GLUD1: variants seen among roughly 807,000 people sequenced by gnomAD.
The protein encoded by GLUD1 is glutamate dehydrogenase 1, mitochondrial.
GLUD1 carries 22 observed loss-of-function variants against 56.0 expected under a neutral mutation model. That is an observed-to-expected ratio of 0.39 (90% CI 0.28 to 0.56). The LOEUF is 0.56. GLUD1 is among the 20% of genes least tolerant of loss of function. The probability of loss-of-function intolerance (pLI) is 0.58; values close to 1 mark genes in which losing one functional copy is unlikely to be tolerated. For synonymous variants in GLUD1, 223 were observed against 269.9 expected (o/e 0.83, Z 1.70); for missense variants, 451 against 732.0 (o/e 0.62, Z 4.43).
At chr10:87,079,994 G>T (rs1841169722) in intron 1 of GLUD1, among the ~76,000 whole-genome samples, 1 of 146,496 alleles carries the variant, frequency 6.8e-6, no homozygotes, top group African/African-American at 2.5e-5. Context: ...CCGAGCGGAA[G>T]CTGGACTGTA....
intron 8 of GLUD1, 64 bp from the exon 9 acceptor site, chr10:87,060,305 C>G (rs1482607624): frequency 1.9e-6 from 2 of 1,036,812 alleles, no homozygotes; most frequent in Non-Finnish European, 3.1e-6. Context: ...CCACTGAGGG[C>G]AAGAGATGTG....
Position 87,051,475 on chromosome 10 carries a change from T to C in GLUD1, c.*276A>G, listed in dbSNP as rs1845630750. 1 of 477,484 alleles carries C rather than the reference T, an allele frequency of 2.1e-6. No homozygotes were observed. Among genetic ancestry groups the C allele is most frequent in the Non-Finnish European group, 4.0e-6 (1 of 251,244 alleles). 29.6% of individuals were successfully genotyped at this position (477,484 alleles called of 1,614,324 possible). On this transcript the variant is annotated 3_prime_UTR_variant, in exon 13 of 13. Coordinates refer to ENST00000277865, the MANE Select transcript of GLUD1 (RefSeq NM_005271.5). ...GTTGGGAAAAGCCACAGAGCAAGGCTGCACAGCCAGATAAAGGAGGCTTTT... is the reference window on the plus strand; with the variant it reads ...GTTGGGAAAAGCCACAGAGCAAGGCCGCACAGCCAGATAAAGGAGGCTTTT...
intron 1 of GLUD1, among the ~76,000 whole-genome samples, chr10:87,080,587 G>A (rs1225361496): frequency 7.9e-5 from 12 of 151,178 alleles, no homozygotes; most frequent in Admixed American, 5.9e-4. Flanking sequence ...CCTTTGCCCC[G>A]CCGCCCCGTC....
intron 6 of GLUD1, 71 bp downstream of exon 6, chr10:87,062,585 T>C: frequency 8.9e-7 from 1 of 1,124,944 alleles, no homozygotes; most frequent in Non-Finnish European, 1.3e-6. Flanking sequence ...AAATTACAAT[T>C]CTAAAAACAT....
intron 5 of GLUD1, among the ~76,000 whole-genome samples, chr10:87,065,348 C>A (rs1046392502): frequency 3.3e-5 from 5 of 151,416 alleles, no homozygotes; most frequent in African/African-American, 1.2e-4. Flanking sequence ...CTCAGGTGAT[C>A]CACCTGCTTC....
At chr10:87,060,131 T>A (rs1432160768) in intron 9 of GLUD1, 30 bp downstream of exon 9, 2 of 1,317,460 alleles carry the variant, frequency 1.5e-6, no homozygotes, top group African/African-American at 2.9e-5. Context: ...TCTAAGTACA[T>A]ATAAAGCCTA....
intron 4 of GLUD1, among the ~76,000 whole-genome samples, chr10:87,073,689 G>A (rs1454648083): frequency 7.2e-6 from 1 of 138,822 alleles, no homozygotes; most frequent in East Asian, 2.1e-4. Context: ...CGTGATCTTG[G>A]CTCACTGGAA....
chr10:87,067,882 C>G (rs1006307547), intron 5 of GLUD1, 181 bp downstream of exon 5: 12 of 601,484 alleles, frequency 2.0e-5, no homozygotes, highest in Non-Finnish European at 3.0e-5. Context: ...ATAAGTAAAG[C>G]TCAATCTGTG....
chr10:87,052,419 C>T (rs112643586), intron 12 of GLUD1, among the ~76,000 whole-genome samples: 6,440 of 151,922 alleles, frequency 0.042, 313 homozygotes, highest in African/African-American at 0.11. Flanking sequence ...AGCCAGGAGG[C>T]GGTGGTTGCA....
intron 5 of GLUD1, among the ~76,000 whole-genome samples, chr10:87,064,857 C>A (rs544178419): frequency 3.8e-4 from 58 of 152,260 alleles, no homozygotes; most frequent in African/African-American, 1.4e-3. Context: ...TCAGGCCTGG[C>A]GCCAACTGCC....
chr10:87,074,609 A>C lies in GLUD1; in HGVS notation c.588T>G (p.Asn196Lys). 6.4e-7 allele frequency: 1 copy of C among 1,566,112 alleles called. No individual in the cohort carries two copies. ...ACCTCCTTGTGATCTTTTCCAATTCATTATCCTGTAAAATAAGAAAACAAA... is the reference window on the plus strand; with the variant it reads ...ACCTCCTTGTGATCTTTTCCAATTCCTTATCCTGTAAAATAAGAAAACAAA... ...VKINPKNYTD[N>K]ELEKITRRFT... Residue 196 changes from asparagine to lysine, a missense_variant, in exon 4 of 13, where the codon AAT (asparagine) becomes AAG (lysine). Physicochemically the swap from Asn to Lys is moderately conservative, Grantham distance 94 (BLOSUM62 0). Transcript: ENST00000277865.
chr10:87,081,944 T>TA (rs1841267068), intron 1 of GLUD1, among the ~76,000 whole-genome samples: 2 of 27,266 alleles, frequency 7.3e-5, no homozygotes, highest in African/African-American at 2.2e-4. Context: ...GAATGATCAA[T>TA]ACAAAAAAAA....
At chr10:87,080,086 C>A (rs979424640) in intron 1 of GLUD1, among the ~76,000 whole-genome samples, 2 of 151,816 alleles carry the variant, frequency 1.3e-5, no homozygotes, top group African/African-American at 2.4e-5. Context: ...TGCAGGCGCG[C>A]GCCGCCACGC....
chr10:87,053,978 T>C lies in GLUD1; in HGVS notation c.1495-574A>G, dbSNP rs1819209378. Among the ~76,000 whole-genome samples the C allele has an allele frequency of 2.0e-5, 3 of 152,064 alleles. No homozygotes were observed. In the South Asian group the frequency reaches 6.2e-4, roughly 32 times the overall value. The stretch of plus-strand genomic sequence containing the variant: ...CAGAGAAGATGGCCAAGGTTACAGA[T>C]AGCTATTTTCAGAGCTGGGATATGA... On this transcript the variant is annotated intron_variant, in intron 11 of 12. Transcript: ENST00000277865.
rs780418003 is a variant in GLUD1 at position 87,093,281 on chromosome 10, C to T, written c.445+1044G>A. Among the ~76,000 whole-genome samples the T allele has an allele frequency of 1.7e-4, 26 of 152,326 alleles. 1 individual carries two copies. Among genetic ancestry groups the T allele is most frequent in the Middle Eastern group, 3.4e-3 (1 of 294 alleles). On this transcript the variant is annotated intron_variant, in intron 1 of 12. Coordinates refer to ENST00000277865, the MANE Select transcript of GLUD1 (RefSeq NM_005271.5). The stretch of plus-strand genomic sequence containing the variant: ...TCTGTGCTTCTCAGCCAATCCACCT[C>T]CAACAAGACTCCTCGCCTCCCTGGG...
At chr10:87,053,636 T>G (rs1845695446) in intron 11 of GLUD1, among the ~76,000 whole-genome samples, 1 of 152,202 alleles carries the variant, frequency 6.6e-6, no homozygotes, top group African/African-American at 2.4e-5. Flanking sequence ...AAACAAATAC[T>G]CATGAAATAA....
intron 3 of GLUD1, 53 bp downstream of exon 3, chr10:87,075,915 G>GAA (rs775912568): frequency 1.9e-5 from 25 of 1,286,260 alleles, no homozygotes; most frequent in Non-Finnish European, 2.4e-5. Context: ...CTCTGTCTCA[G>GAA]AAAAACAAAA....
intron 1 of GLUD1, among the ~76,000 whole-genome samples, chr10:87,085,796 T>G (rs1367322351): frequency 6.6e-6 from 1 of 152,220 alleles, no homozygotes; most frequent in Non-Finnish European, 1.5e-5. Context: ...AGCTTTGTTT[T>G]GTGTTATTTA....
chr10:87,087,485 T>A (rs1238272595), intron 1 of GLUD1, among the ~76,000 whole-genome samples: 1 of 152,174 alleles, frequency 6.6e-6, no homozygotes, highest in East Asian at 1.9e-4. Flanking sequence ...GGCTTGGTCT[T>A]TTTGGTGACT....
Sources: gnomAD v4.1 joint callset for allele counts (sites outside exome capture counted in the v4.1 genomes callset) on GRCh38, gnomAD v4.1.1 for gene constraint, MANE v1.5 for transcripts, NCBI Gene and HGNC (gene_info 2026-07-23, HGNC 2026-07-21) for gene names.